Variants in KDM6A observed in about 807,000 individuals in gnomAD.
KDM6A encodes the protein lysine demethylase 6A, also known as lysine-specific demethylase 6A.
In KDM6A, 11 loss-of-function variants were observed where a neutral mutation model predicts 117.6. The observed-to-expected ratio is 0.09, with a 90% confidence interval of 0.06 to 0.15. KDM6A has a LOEUF of 0.15. KDM6A is among the 10% of genes least tolerant of loss of function. The probability of loss-of-function intolerance (pLI) is 1.00; values close to 1 mark genes in which losing one functional copy is unlikely to be tolerated. For missense variants in KDM6A, 799 were observed against 1,077.3 expected (o/e 0.74, Z 3.62); for synonymous variants, 384 against 396.1 (o/e 0.97, Z 0.36).
chrX:45,108,862 C>T (rs1460234615), intron 28 of KDM6A, among the ~76,000 whole-genome samples: 1 of 100,011 alleles, frequency 1.0e-5, no homozygotes, highest in African/African-American at 3.7e-5. Context: ...AGTAAACTAT[C>T]GCAAGAACAA....
At chrX:45,023,524 C>T (rs1438517657) in intron 6 of KDM6A, among the ~76,000 whole-genome samples, 2 of 111,327 alleles carry the variant, frequency 1.8e-5, no homozygotes, top group Admixed American at 9.6e-5. Context: ...CGCATATCTT[C>T]GTGACCTTGA....
In KDM6A at chrX:44,947,839, G is replaced by T. The variant is rs750046764; in HGVS notation, c.226-13445G>T. Among the ~76,000 whole-genome samples the T allele has an allele frequency of 3.6e-5, 4 of 111,618 alleles. No homozygotes were observed. The Admixed American group carries it at 3.8e-4, about 11-fold the overall frequency. On this transcript the variant is annotated intron_variant, in intron 2 of 29. Transcript: ENST00000611820. ...CTCATTGAGGCTCAGTGTTCTGAGC[G>T]GTTATCTTATTTGACTCTTCTTCTT...
chrX:44,876,335 G>A (rs1385392022), intron 2 of KDM6A, among the ~76,000 whole-genome samples: 2 of 111,961 alleles, frequency 1.8e-5, no homozygotes, highest in Non-Finnish European at 3.8e-5. Flanking sequence ...TTTGAATTGG[G>A]TTCTGAATGA....
At chrX:44,994,428 A>G (rs765277320) in intron 4 of KDM6A, among the ~76,000 whole-genome samples, 1 of 112,090 alleles carries the variant, frequency 8.9e-6, no homozygotes, top group East Asian at 2.8e-4. Context: ...TGTTGTCACA[A>G]ATGACAGAAT....
At chrX:44,987,097 G>C (rs1003880909) in intron 4 of KDM6A, among the ~76,000 whole-genome samples, 1 of 111,628 alleles carries the variant, frequency 9.0e-6, no homozygotes. Flanking sequence ...GGGTGCTCCT[G>C]TATTGGGTGC....
At chrX:45,081,593 C>T (rs2045407130) in intron 21 of KDM6A, among the ~76,000 whole-genome samples, 1 of 110,963 alleles carries the variant, frequency 9.0e-6, no homozygotes, top group African/African-American at 3.3e-5. Flanking sequence ...CACATACATA[C>T]ACCTCTGCTA....
intron 2 of KDM6A, among the ~76,000 whole-genome samples, chrX:44,891,921 A>G (rs2033396613): frequency 8.9e-6 from 1 of 112,598 alleles, no homozygotes; most frequent in Middle Eastern, 4.2e-3. Context: ...CTATGTCCTA[A>G]TGCTTGCTTA....
intron 18 of KDM6A, among the ~76,000 whole-genome samples, chrX:45,073,723 T>C (rs1205864124): frequency 2.7e-5 from 3 of 112,247 alleles, no homozygotes; most frequent in Non-Finnish European, 5.6e-5. Flanking sequence ...TGGGGTTGTT[T>C]GTTTTTTTCT....
intron 6 of KDM6A, among the ~76,000 whole-genome samples, chrX:45,033,308 A>G (rs2042677318): frequency 8.9e-6 from 1 of 112,310 alleles, no homozygotes; most frequent in Non-Finnish European, 1.9e-5. Context: ...TTGAAGACAC[A>G]GTCTGCTTAG....
rs1220235760 is a variant in KDM6A, at chrX:44,942,449, T to C, written c.226-18835T>C. Among the ~76,000 whole-genome samples the C allele has an allele frequency of 3.6e-5, 4 of 111,228 alleles. 1 individual carries two copies. The highest frequency in any genetic ancestry group is 1.3e-4 in the African/African-American group (4 of 30,610). ...TTGATCTGTATCTTCTGTTGATCTG[T>C]ATCTTCTGTTGATCTGTGTGTTTGT... On this transcript the variant is annotated intron_variant, in intron 2 of 29. Coordinates refer to ENST00000611820, the MANE Select transcript of KDM6A (RefSeq NM_001291415.2).
intron 2 of KDM6A, among the ~76,000 whole-genome samples, chrX:44,878,232 C>T (rs1188710662): frequency 1.8e-5 from 2 of 111,052 alleles, no homozygotes; most frequent in Non-Finnish European, 3.8e-5. Context: ...TGAGCATTTC[C>T]TTTGAGTGTC....
chrX:44,979,756 C>T (rs936869458), intron 4 of KDM6A, among the ~76,000 whole-genome samples: 1 of 109,594 alleles, frequency 9.1e-6, no homozygotes. Flanking sequence ...GTCCCCCCAC[C>T]CCCTACCCCA....
intron 2 of KDM6A, among the ~76,000 whole-genome samples, chrX:44,891,887 C>T (rs1157448415): frequency 8.9e-6 from 1 of 112,014 alleles, no homozygotes; most frequent in Non-Finnish European, 1.9e-5. Context: ...GTAAAAACAC[C>T]TTTAAATAAG....
At chrX:44,934,886 CTT>C (rs1367354922) in intron 2 of KDM6A, among the ~76,000 whole-genome samples, 1 of 111,290 alleles carries the variant, frequency 9.0e-6, no homozygotes, top group Non-Finnish European at 1.9e-5. Context: ...GCATATTAGG[CTT>C]TATAAACCAA....
intron 4 of KDM6A, among the ~76,000 whole-genome samples, chrX:44,991,218 T>G (rs1258288723): frequency 1.8e-5 from 2 of 112,341 alleles, no homozygotes; most frequent in Non-Finnish European, 3.8e-5. Flanking sequence ...CAAAGGTTTG[T>G]AAATTTTAAT....
intron 18 of KDM6A, among the ~76,000 whole-genome samples, chrX:45,072,434 G>GT (rs199575099): frequency 0.054 from 5,782 of 106,896 alleles, 426 homozygotes; most frequent in African/African-American, 0.19. Flanking sequence ...TTTTATATTA[G>GT]TTTTTTTTTT....
At position 45,111,542 on chromosome X, in the gene KDM6A, C is replaced by A; in HGVS notation, c.*131C>A. The A allele has an allele frequency of 1.7e-6, 1 of 584,869 alleles. No homozygotes were observed. Among genetic ancestry groups the A allele is most frequent in the Non-Finnish European group, 3.0e-6 (1 of 338,882 alleles). 48.2% of individuals were successfully genotyped at this position (584,869 alleles called of 1,213,427 possible). ...CTGTGTCTATGCAACCTTCCAAGTG[C>A]GGAGTGTCAACCAACTGGACGGGAG... On this transcript the variant is annotated 3_prime_UTR_variant, in exon 30 of 30. Coordinates refer to ENST00000611820, the MANE Select transcript of KDM6A (RefSeq NM_001291415.2).
chrX:44,881,716 T>C (rs1163722395), intron 2 of KDM6A, among the ~76,000 whole-genome samples: 1 of 108,481 alleles, frequency 9.2e-6, no homozygotes, highest in Admixed American at 9.9e-5. Context: ...AGATGGCATT[T>C]CACTTTTGTT....
intron 10 of KDM6A, among the ~76,000 whole-genome samples, chrX:45,058,323 A>G (rs6651830): frequency 0.055 from 6,041 of 110,114 alleles, 442 homozygotes; most frequent in African/African-American, 0.19. Flanking sequence ...TATAATTTCA[A>G]CTGTTATCTG....
Sources: gnomAD v4.1 joint callset for allele counts (sites outside exome capture counted in the v4.1 genomes callset) on GRCh38, gnomAD v4.1.1 for gene constraint, MANE v1.5 for transcripts, NCBI Gene and HGNC (gene_info 2026-07-23, HGNC 2026-07-21) for gene names.